RUBCNL: variants seen among roughly 807,000 people sequenced by gnomAD.
RUBCNL encodes rubicon like autophagy enhancer.
RUBCNL carries 62 observed loss-of-function variants against 69.5 expected under a neutral mutation model. That is an observed-to-expected ratio of 0.89 (90% CI 0.73 to 1.10). The LOEUF is 1.10. RUBCNL is among the 50% of genes least tolerant of loss of function. The pLI, the probability that RUBCNL is intolerant of heterozygous loss-of-function variation, is 0.00. For missense variants in RUBCNL, 768 were observed against 798.1 expected (o/e 0.96, Z 0.45); for synonymous variants, 291 against 303.6 (o/e 0.96, Z 0.43).
rs981799940 is a variant in RUBCNL, at chr13:46,339,762, G to A, written c.*3623C>T. ...CAATCCCAGCTACTCGGGAGGGTGA[G>A]ACAGGAAAATCACTTGAACCCAGGT... On this transcript the variant is annotated 3_prime_UTR_variant, in exon 15 of 15. Coordinates refer to ENST00000429979, the MANE Select transcript of RUBCNL (RefSeq NM_025113.5). Among the ~76,000 whole-genome samples the A allele has an allele frequency of 1.3e-5, 2 of 152,112 alleles. No individual in the cohort carries two copies. Among genetic ancestry groups the A allele is most frequent in the African/African-American group, 4.8e-5 (2 of 41,398 alleles).
chr13:46,371,698 A>T (rs2048878275), intron 3 of RUBCNL, among the ~76,000 whole-genome samples: 1 of 152,254 alleles, frequency 6.6e-6, no homozygotes, highest in Admixed American at 6.5e-5. Context: ...ACGCCAGCTT[A>T]AAGATGGCAC....
In RUBCNL at chr13:46,346,069, C is replaced by T. The variant is rs116847938; in HGVS notation, c.1632-469G>A. Reference sequence around the variant, plus strand: ...GGCAAGCCTATGACTTCCAAATGCACGAGTCAGGCACTGAGCTTAAGGCTC... The same window carrying T: ...GGCAAGCCTATGACTTCCAAATGCATGAGTCAGGCACTGAGCTTAAGGCTC... On this transcript the variant is annotated intron_variant, in intron 12 of 14. Transcript: ENST00000429979. Among the ~76,000 whole-genome samples the T allele has an allele frequency of 9.5e-3, 1,452 of 152,300 alleles. 60 individuals are homozygous for T. The highest frequency in any genetic ancestry group is 0.07 in the Admixed American group (1,066 of 15,294).
chr13:46,371,349 G>A (rs957057086), intron 3 of RUBCNL, among the ~76,000 whole-genome samples: 4 of 152,114 alleles, frequency 2.6e-5, no homozygotes, highest in African/African-American at 4.8e-5. Flanking sequence ...TGACTCTTGA[G>A]TAGTACTTCG....
chr13:46,356,394 A>G, intron 10 of RUBCNL, 38 bp downstream of exon 10: 1 of 1,604,144 alleles, frequency 6.2e-7, no homozygotes, highest in Admixed American at 1.7e-5. Context: ...GGACCTTGTC[A>G]TCACATCATA....
intron 8 of RUBCNL, among the ~76,000 whole-genome samples, chr13:46,360,567 C>A (rs192621976): frequency 2.2e-4 from 33 of 152,314 alleles, no homozygotes; most frequent in African/African-American, 5.5e-4. Context: ...ACGTCCTCCC[C>A]CAACCTTTCT....
At chr13:46,379,367 C>CA (rs2049069532) in intron 1 of RUBCNL, among the ~76,000 whole-genome samples, 1 of 152,232 alleles carries the variant, frequency 6.6e-6, no homozygotes, top group African/African-American at 2.4e-5. Context: ...TGAGCCACCG[C>CA]AGGCGGCCGA....
chr13:46,337,995 TC>T lies in RUBCNL; in HGVS notation c.*5389del, dbSNP rs954091208. On this transcript the variant is annotated 3_prime_UTR_variant, in exon 15 of 15. Transcript: ENST00000429979. ...GAAAGGATCAAAGGCTGCCAAAAGT[TC>T]AGAGAGCTGTCCCCAGTAGAATAAT... Among the ~76,000 whole-genome samples the T allele has an allele frequency of 2.0e-5, 3 of 152,042 alleles. No homozygotes were observed. The highest frequency in any genetic ancestry group is 7.2e-5 in the African/African-American group (3 of 41,388).
At chr13:46,355,819 T>C (rs2048472225) in intron 10 of RUBCNL, among the ~76,000 whole-genome samples, 1 of 152,178 alleles carries the variant, frequency 6.6e-6, no homozygotes, top group African/African-American at 2.4e-5. Context: ...ACTTATAATC[T>C]AGTGTTGAAG....
At position 46,337,904 on chromosome 13, in the gene RUBCNL, G is replaced by T. The variant is rs1594122384; in HGVS notation, c.*5481C>A. Among the ~76,000 whole-genome samples the T allele has an allele frequency of 6.6e-6, 1 of 152,192 alleles. No individual in the cohort carries two copies. Among genetic ancestry groups the T allele is most frequent in the African/African-American group, 2.4e-5 (1 of 41,440 alleles). Reference sequence around the variant, plus strand: ...GCCCTCAGGAATGTGGACCTTCAGGGGCTGCAGGAGCAAAGGGAGAATAAA... The same window carrying T: ...GCCCTCAGGAATGTGGACCTTCAGGTGCTGCAGGAGCAAAGGGAGAATAAA... On this transcript the variant is annotated 3_prime_UTR_variant, in exon 15 of 15. Coordinates refer to ENST00000429979, the MANE Select transcript of RUBCNL (RefSeq NM_025113.5).
intron 2 of RUBCNL, among the ~76,000 whole-genome samples, chr13:46,375,406 G>A (rs1411150529): frequency 3.3e-5 from 5 of 152,102 alleles, no homozygotes; most frequent in Non-Finnish European, 7.4e-5. Flanking sequence ...GGTGGCGGGC[G>A]CCTATAATCC....
intron 3 of RUBCNL, among the ~76,000 whole-genome samples, 160 bp downstream of exon 3, chr13:46,371,781 T>C (rs1400986689): frequency 6.6e-6 from 1 of 152,244 alleles, no homozygotes; most frequent in East Asian, 1.9e-4. Context: ...AAGCCAATAT[T>C]TGATTTCACC....
intron 14 of RUBCNL, 59 bp from the exon 15 acceptor site, chr13:46,343,556 C>T: frequency 1.3e-6 from 2 of 1,549,350 alleles, no homozygotes; most frequent in Non-Finnish European, 1.8e-6. Context: ...CACATTTCTG[C>T]AGACATTCGT....
At chr13:46,374,936 T>A (rs2048956933) in intron 2 of RUBCNL, among the ~76,000 whole-genome samples, 1 of 152,226 alleles carries the variant, frequency 6.6e-6, no homozygotes. Flanking sequence ...CCTTGATTTA[T>A]AAATTACTTC....
intron 5 of RUBCNL, among the ~76,000 whole-genome samples, chr13:46,365,616 C>G (rs1275880868): frequency 6.6e-6 from 1 of 152,164 alleles, no homozygotes; most frequent in Non-Finnish European, 1.5e-5. Flanking sequence ...TGTGTGGTTA[C>G]TGGGGGAACC....
intron 4 of RUBCNL, 178 bp downstream of exon 4, chr13:46,368,555 C>T (rs940745135): frequency 1.1e-6 from 1 of 944,210 alleles, no homozygotes; most frequent in Non-Finnish European, 1.3e-6. Flanking sequence ...CAGCTGAGCA[C>T]AGGCACGGCC....
intron 7 of RUBCNL, among the ~76,000 whole-genome samples, chr13:46,362,159 C>T (rs11617556): frequency 0.011 from 1,669 of 152,062 alleles, 21 homozygotes; most frequent in Non-Finnish European, 0.017. Context: ...ATTGCTTGAA[C>T]CCAGGAGGCG....
rs553726624 is a variant in RUBCNL, at chr13:46,337,655, C to T, written c.*5730G>A. On this transcript the variant is annotated 3_prime_UTR_variant, in exon 15 of 15. Coordinates refer to ENST00000429979, the MANE Select transcript of RUBCNL (RefSeq NM_025113.5). ...TTATTATAGCAGCCTAAACAGACTACGACAGTGACAAACCTGTTCCCTCAG... is the reference window on the plus strand; with the variant it reads ...TTATTATAGCAGCCTAAACAGACTATGACAGTGACAAACCTGTTCCCTCAG... Among the ~76,000 whole-genome samples the T allele has an allele frequency of 5.9e-5, 9 of 152,114 alleles. No homozygotes were observed. The highest frequency in any genetic ancestry group is 1.3e-4 in the Admixed American group (2 of 15,280).
rs73478082 is a variant in RUBCNL, at chr13:46,361,663, C to G, written c.987-90G>C. The G allele has an allele frequency of 2.3e-3, 3,063 of 1,352,764 alleles. 54 individuals carry two copies. In the African/African-American group the frequency reaches 0.039, roughly 17 times the overall value. The allele number at this position is 1,352,764 out of a possible 1,614,324, so 83.8% of individuals were successfully genotyped here. ...TGAGGTTTTCAACTGTTCTTCCCAG[C>G]CCCCAAAACTCAGAAGAGGCTGTCA... On this transcript the variant is annotated intron_variant, in intron 7 of 14. Coordinates refer to ENST00000429979, the MANE Select transcript of RUBCNL (RefSeq NM_025113.5).
chr13:46,380,789 C>G lies in RUBCNL; in HGVS notation c.-238-2784G>C, dbSNP rs562837095. 2.6e-5 allele frequency among the ~76,000 whole-genome samples: 4 copies of G among 152,202 alleles called. No homozygotes were observed. The South Asian group carries it at 8.3e-4, about 32-fold the overall frequency. ...GCATATGTAAAAATAGAATTTTGTT[C>G]TTTCTTTCCAATGAATCATCTTACA... On this transcript the variant is annotated intron_variant, in intron 1 of 14. Coordinates refer to ENST00000429979, the MANE Select transcript of RUBCNL (RefSeq NM_025113.5).
Sources: gnomAD v4.1 joint callset for allele counts (sites outside exome capture counted in the v4.1 genomes callset) on GRCh38, gnomAD v4.1.1 for gene constraint, MANE v1.5 for transcripts, NCBI Gene and HGNC (gene_info 2026-07-23, HGNC 2026-07-21) for gene names.